FHIT: variants seen among roughly 807,000 people sequenced by gnomAD.
FHIT encodes bis(5'-adenosyl)-triphosphatase.
Under a neutral mutation model 17.9 loss-of-function variants are expected in FHIT, and 19 were observed. The ratio of observed to expected loss-of-function variants is 1.06; its 90% confidence interval spans 0.74 to 1.56. The LOEUF is 1.56. Ranked by LOEUF, FHIT falls within the 40% of genes most tolerant of loss-of-function variation. FHIT has a pLI of 0.00. For missense variants in FHIT, 248 were observed against 189.2 expected, an observed-to-expected ratio of 1.31 and a Z score of -1.82; for synonymous variants, 81 against 69.7, an observed-to-expected ratio of 1.16 and a Z score of -0.81.
chr3:60,180,025 G>A (rs1320396827), intron 5 of FHIT, among the ~76,000 whole-genome samples: 2 of 152,126 alleles, frequency 1.3e-5, no homozygotes, highest in Non-Finnish European at 2.9e-5. Context: ...TTTATGTAAT[G>A]TAAATATGGC....
intron 3 of FHIT, among the ~76,000 whole-genome samples, chr3:60,965,365 G>A (rs879978131): frequency 5.3e-5 from 8 of 152,234 alleles, no homozygotes; most frequent in African/African-American, 1.2e-4. Flanking sequence ...GCTTCTTTGC[G>A]ATGGGTTCGA....
At chr3:60,201,091 A>AC (rs1165448570) in intron 5 of FHIT, among the ~76,000 whole-genome samples, 3 of 152,098 alleles carry the variant, frequency 2.0e-5, no homozygotes, top group African/African-American at 7.2e-5. Flanking sequence ...ATTTAAAGAG[A>AC]CCATAATATC....
chr3:61,108,875 C>T (rs1183425096), intron 2 of FHIT, among the ~76,000 whole-genome samples: 2 of 152,184 alleles, frequency 1.3e-5, no homozygotes, highest in African/African-American at 4.8e-5. Context: ...TTTCCTCTTT[C>T]CTGCTGAGCC....
intron 5 of FHIT, among the ~76,000 whole-genome samples, chr3:60,429,706 G>A (rs920700127): frequency 2.0e-5 from 3 of 152,000 alleles, no homozygotes; most frequent in African/African-American, 4.8e-5. Context: ...ATAAAGAAGA[G>A]AGAATAAAAG....
intron 2 of FHIT, among the ~76,000 whole-genome samples, chr3:61,155,284 T>C (rs978105519): frequency 6.6e-6 from 1 of 152,186 alleles, no homozygotes; most frequent in African/African-American, 2.4e-5. Context: ...TGCTGACCTT[T>C]GTAACTTTCA....
At chr3:60,366,565 G>T (rs1212409243) in intron 5 of FHIT, among the ~76,000 whole-genome samples, 1 of 152,170 alleles carries the variant, frequency 6.6e-6, no homozygotes, top group Non-Finnish European at 1.5e-5. Flanking sequence ...CTCATGAATG[G>T]ATTAATGCTG....
At chr3:61,205,872 T>C (rs1242035150) in intron 1 of FHIT, among the ~76,000 whole-genome samples, 1 of 150,082 alleles carries the variant, frequency 6.7e-6, no homozygotes, top group East Asian at 2.0e-4. Context: ...CTTTTGGTGT[T>C]TTAGACATGA....
intron 7 of FHIT, among the ~76,000 whole-genome samples, chr3:59,988,180 A>G (rs1448021482): frequency 2.0e-5 from 3 of 152,120 alleles, no homozygotes; most frequent in African/African-American, 7.2e-5. Context: ...ATTGAGCAAG[A>G]GATACTGCAG....
intron 5 of FHIT, among the ~76,000 whole-genome samples, chr3:60,147,532 A>G (rs1430658418): frequency 3.9e-5 from 6 of 152,310 alleles, no homozygotes; most frequent in African/African-American, 9.6e-5. Context: ...TGCGACAGGT[A>G]GGGATGCAGC....
intron 5 of FHIT, among the ~76,000 whole-genome samples, chr3:60,131,056 T>TATGTGTATATATAA (rs1699568050): frequency 1.7e-5 from 1 of 59,994 alleles, no homozygotes; most frequent in Non-Finnish European, 2.9e-5. Flanking sequence ...CATATATACA[T>TATGTGTATATATAA]ACATACACAT....
At chr3:59,879,932 C>T (rs1024121339) in intron 8 of FHIT, among the ~76,000 whole-genome samples, 4 of 135,074 alleles carry the variant, frequency 3.0e-5, no homozygotes, top group East Asian at 2.2e-4. Flanking sequence ...CCCCCCCCCC[C>T]GCCCCTTAGC....
At chr3:60,156,365 TTAGA>T in intron 5 of FHIT, among the ~76,000 whole-genome samples, 1 of 149,192 alleles carries the variant, frequency 6.7e-6, no homozygotes. Context: ...AAAAAAAAAA[TTAGA>T]TATTTAAAAT....
intron 5 of FHIT, among the ~76,000 whole-genome samples, chr3:60,389,184 T>A (rs1204386909): frequency 6.6e-6 from 1 of 152,160 alleles, no homozygotes; most frequent in Non-Finnish European, 1.5e-5. Flanking sequence ...TAGAAATGTG[T>A]ATTCTCAGGC....
chr3:60,308,913 G>C (rs182277597), intron 5 of FHIT, among the ~76,000 whole-genome samples: 5 of 152,224 alleles, frequency 3.3e-5, no homozygotes, highest in African/African-American at 1.2e-4. Context: ...ATTATATACT[G>C]TTATCCACAG....
At chr3:60,274,823 T>C (rs1163380783) in intron 5 of FHIT, among the ~76,000 whole-genome samples, 4 of 152,192 alleles carry the variant, frequency 2.6e-5, no homozygotes, top group Non-Finnish European at 5.9e-5. Context: ...ACAGCCTATG[T>C]ATTGAAGACT....
intron 4 of FHIT, among the ~76,000 whole-genome samples, chr3:60,583,498 G>A (rs2037812592): frequency 6.6e-6 from 1 of 152,036 alleles, no homozygotes; most frequent in African/African-American, 2.4e-5. Context: ...GATGACAGAC[G>A]ATATGAACAA....
intron 8 of FHIT, among the ~76,000 whole-genome samples, chr3:59,816,391 C>T (rs1700600929): frequency 6.6e-6 from 1 of 152,280 alleles, no homozygotes; most frequent in Middle Eastern, 3.4e-3. Context: ...ACAACAATCA[C>T]AGTGAGTTTG....
chr3:60,576,200 G>A (rs765576204), intron 4 of FHIT, among the ~76,000 whole-genome samples: 8 of 150,868 alleles, frequency 5.3e-5, no homozygotes, highest in East Asian at 1.9e-4. Flanking sequence ...AGGCAAGAGC[G>A]TCATTGGAAA....
At position 60,592,766 on chromosome 3, in the gene FHIT, G is replaced by A. The variant is rs2038129546; in HGVS notation, c.-17-55787C>T. On this transcript the variant is annotated intron_variant, in intron 4 of 9. Transcript: ENST00000492590. Reference sequence around the variant, plus strand: ...TAGGCAGTTGTGCAGGCTCCCAGAAGAAACAGAGCTGGATTATTCAAGAAA... The same window carrying A: ...TAGGCAGTTGTGCAGGCTCCCAGAAAAAACAGAGCTGGATTATTCAAGAAA... 2.6e-5 allele frequency among the ~76,000 whole-genome samples: 4 copies of A among 152,136 alleles called. No homozygotes were observed. The South Asian group carries it at 8.3e-4, about 32-fold the overall frequency.
Sources: allele counts gnomAD v4.1 joint callset (sites outside exome capture counted in the v4.1 genomes callset), GRCh38; gene constraint gnomAD v4.1.1; transcripts MANE v1.5; gene names NCBI Gene and HGNC (gene_info 2026-07-23, HGNC 2026-07-21).